Variants in KCNAB1 observed in about 807,000 individuals in gnomAD.
The protein encoded by KCNAB1 is voltage-gated potassium channel subunit beta-1.
KCNAB1 carries 35 observed loss-of-function variants against 64.6 expected under a neutral mutation model. That is an observed-to-expected ratio of 0.54 (90% CI 0.41 to 0.72). The LOEUF is 0.72. Ranked by LOEUF, KCNAB1 falls within the 30% of genes least tolerant of loss-of-function variation. KCNAB1 has a pLI of 0.00. For missense variants in KCNAB1, 401 were observed against 512.9 expected, an observed-to-expected ratio of 0.78 and a Z score of 2.11; for synonymous variants, 177 against 183.8, an observed-to-expected ratio of 0.96 and a Z score of 0.30.
At chr3:156,120,430 A>G, upstream of KCNAB1, 1 of 714,814 alleles carries the variant, frequency 1.4e-6, no homozygotes, top group Non-Finnish European at 2.4e-6. Flanking sequence ...CCTCTTCACT[A>G]GGAAAGGTTA....
intron 1 of KCNAB1, among the ~76,000 whole-genome samples, chr3:156,171,930 G>A (rs2108327217): frequency 6.6e-6 from 1 of 152,316 alleles, no homozygotes; most frequent in East Asian, 1.9e-4. Context: ...ATTTCTGGGA[G>A]TAAAATATAT....
chr3:156,140,443 C>A (rs555208426), intron 1 of KCNAB1, among the ~76,000 whole-genome samples: 1 of 152,104 alleles, frequency 6.6e-6, no homozygotes, highest in African/African-American at 2.4e-5. Context: ...GTTGAAGGGC[C>A]GCTGCTCTCT....
chr3:156,446,310 A>G (rs1236284056), intron 2 of KCNAB1, among the ~76,000 whole-genome samples: 4 of 152,178 alleles, frequency 2.6e-5, no homozygotes, highest in African/African-American at 9.7e-5. Flanking sequence ...CGCAATTTAG[A>G]GGGATGCTCC....
chr3:156,285,712 A>G (rs1254395211), intron 1 of KCNAB1, among the ~76,000 whole-genome samples: 1 of 151,624 alleles, frequency 6.6e-6, no homozygotes, highest in Non-Finnish European at 1.5e-5. Context: ...CATGTTGCCC[A>G]GGCTGGTCTC....
intron 8 of KCNAB1, among the ~76,000 whole-genome samples, chr3:156,511,229 G>A (rs947312188): frequency 2.6e-5 from 4 of 151,906 alleles, no homozygotes; most frequent in Admixed American, 6.6e-5. Context: ...TCAGCCTCCC[G>A]AGTAGCTGGG....
chr3:156,515,218 T>C lies in KCNAB1; in HGVS notation c.863T>C (p.Ile288Thr), dbSNP rs1220256935. Residue 288 changes from isoleucine (I) to threonine (T), a missense_variant and splice_region_variant, in exon 10 of 14, where the codon ATA (isoleucine) becomes ACA (threonine). By Grantham distance (89) the Ile-to-Thr change is moderately conservative (BLOSUM62 -1). Coordinates refer to ENST00000490337, the MANE Select transcript of KCNAB1 (RefSeq NM_172160.3). ...EVQLPELYHK[I>T]GVGAMTWSPL... ...CAGCTGCCAGAGCTCTACCACAAAATAGGTAATCTTCAAAATAAAAGCTAC... is the reference window on the plus strand; with the variant it reads ...CAGCTGCCAGAGCTCTACCACAAAACAGGTAATCTTCAAAATAAAAGCTAC... 1 of 1,605,406 alleles carries C rather than the reference T, an allele frequency of 6.2e-7. No individual in the cohort carries two copies. Among genetic ancestry groups the C allele is most frequent in the Admixed American group, 1.7e-5 (1 of 57,662 alleles).
chr3:156,393,509 T>C (rs1713199192), intron 1 of KCNAB1, among the ~76,000 whole-genome samples: 1 of 152,162 alleles, frequency 6.6e-6, no homozygotes, highest in South Asian at 2.1e-4. Context: ...ACCCCTCAGC[T>C]TTTTATTCAT....
At chr3:156,415,014 T>G (rs1714949446) in intron 1 of KCNAB1, among the ~76,000 whole-genome samples, 1 of 152,232 alleles carries the variant, frequency 6.6e-6, no homozygotes, top group African/African-American at 2.4e-5. Context: ...CATCCTCTGA[T>G]TCCCACTTTT....
chr3:156,514,325 G>A (rs759440318), intron 8 of KCNAB1, 39 bp from the exon 9 acceptor site: 3 of 1,526,174 alleles, frequency 2.0e-6, no homozygotes, highest in South Asian at 1.1e-5. Context: ...TTGAAAAGTA[G>A]ACAAATTCAT....
rs997168009 is a variant in KCNAB1 at position 156,174,722 on chromosome 3, C to A, written c.275+53836C>A. On this transcript the variant is annotated intron_variant, in intron 1 of 13. Coordinates refer to ENST00000490337, the MANE Select transcript of KCNAB1 (RefSeq NM_172160.3). ...GGGGCTGATATTTAGCCAATGTGGT[C>A]GCTTCCACAGGCCCTCTTATTCTCA... 5.9e-5 allele frequency among the ~76,000 whole-genome samples: 9 copies of A among 152,132 alleles called. No homozygotes were observed. In the East Asian group the frequency reaches 1.5e-3, roughly 26 times the overall value.
rs77207473 is a variant in KCNAB1, at chr3:156,339,432, T to C, written c.276-82184T>C. On this transcript the variant is annotated intron_variant, in intron 1 of 13. Transcript: ENST00000490337. ...TTCTGATCTTTACAACAGCCCTGGA[T>C]GGTGACTATTACCTCATTTTACAGA... Among the ~76,000 whole-genome samples the C allele has an allele frequency of 9.3e-3, 1,416 of 152,276 alleles. 23 individuals carry two copies. Among genetic ancestry groups the C allele is most frequent in the African/African-American group, 0.033 (1,357 of 41,558 alleles).
intron 1 of KCNAB1, among the ~76,000 whole-genome samples, chr3:156,362,029 A>G (rs1725647371): frequency 6.6e-6 from 1 of 152,218 alleles, no homozygotes; most frequent in Non-Finnish European, 1.5e-5. Flanking sequence ...TGTTCTAGGA[A>G]CTTAAAATAC....
At chr3:156,442,687 C>CT (rs1279494635) in intron 2 of KCNAB1, among the ~76,000 whole-genome samples, 1 of 152,178 alleles carries the variant, frequency 6.6e-6, no homozygotes, top group African/African-American at 2.4e-5. Flanking sequence ...AGCCAGCCAT[C>CT]CCCATCCCAG....
intron 2 of KCNAB1, among the ~76,000 whole-genome samples, chr3:156,423,203 G>C (rs958958454): frequency 7.2e-5 from 11 of 152,230 alleles, no homozygotes; most frequent in Non-Finnish European, 1.6e-4. Context: ...AGTGGGATCA[G>C]AGAGGTTGCT....
At chr3:156,512,027 C>T (rs572204401) in intron 8 of KCNAB1, among the ~76,000 whole-genome samples, 3 of 152,324 alleles carry the variant, frequency 2.0e-5, no homozygotes, top group South Asian at 2.1e-4. Context: ...TATGCCTAAA[C>T]ATGATTGCTC....
At chr3:156,171,858 G>C (rs1266910367) in intron 1 of KCNAB1, among the ~76,000 whole-genome samples, 3 of 152,150 alleles carry the variant, frequency 2.0e-5, no homozygotes, top group Non-Finnish European at 2.9e-5. Context: ...CATTTTGTAA[G>C]CTTATTTTTA....
intron 1 of KCNAB1, among the ~76,000 whole-genome samples, chr3:156,340,160 C>T (rs1724000634): frequency 6.6e-6 from 1 of 151,968 alleles, no homozygotes; most frequent in African/African-American, 2.4e-5. Flanking sequence ...GGATATCAGC[C>T]CTACCCCTCA....
intron 8 of KCNAB1, among the ~76,000 whole-genome samples, chr3:156,500,169 A>G (rs1576944927): frequency 6.6e-6 from 1 of 152,296 alleles, no homozygotes. Context: ...CTTTCTTGGA[A>G]TGATGAAGCA....
chr3:156,288,050 A>G (rs913821931), intron 1 of KCNAB1, among the ~76,000 whole-genome samples: 5 of 152,234 alleles, frequency 3.3e-5, no homozygotes, highest in African/African-American at 4.8e-5. Flanking sequence ...TTTCCTCACA[A>G]TTCTGGAGGC....
Sources: allele counts gnomAD v4.1 joint callset (sites outside exome capture counted in the v4.1 genomes callset), GRCh38; gene constraint gnomAD v4.1.1; transcripts MANE v1.5; gene names NCBI Gene and HGNC (gene_info 2026-07-23, HGNC 2026-07-21).